HPD: variants seen among roughly 807,000 people sequenced by gnomAD.
HPD encodes the protein 4-hydroxyphenylpyruvate dioxygenase.
In HPD, 35 loss-of-function variants were observed where a neutral mutation model predicts 56.9. The observed-to-expected ratio is 0.62, with a 90% CI of 0.47 to 0.82. The LOEUF (loss-of-function observed/expected upper bound fraction) is 0.82, where lower values mean the gene tolerates loss of function less well. Among genes scored for constraint, HPD ranks in the 40% least tolerant of loss-of-function variants. The pLI is 0.00. For synonymous variants in HPD, 186 were observed against 200.2 expected (o/e 0.93, Z 0.60); for missense variants, 442 against 506.8 (o/e 0.87, Z 1.23).
chr12:121,879,339 G>T, the HPD span, among the ~76,000 whole-genome samples: 2 of 151,386 alleles, frequency 1.3e-5, no homozygotes, highest in Non-Finnish European at 2.9e-5. Context: ...GCGGGGTGGG[G>T]GGATGAAAAT....
chr12:121,883,224 GT>G, the HPD span, among the ~76,000 whole-genome samples: 35 of 145,552 alleles, frequency 2.4e-4, no homozygotes, highest in Admixed American at 4.1e-4. Context: ...GTGTGTGTGT[GT>G]GTGTGTGTGT....
chr12:121,859,713 TC>T (rs1171605797), upstream of HPD, among the ~76,000 whole-genome samples: 1 of 152,182 alleles, frequency 6.6e-6, no homozygotes, highest in African/African-American at 2.4e-5. Flanking sequence ...TGAAGTTGGA[TC>T]TCATTGCACC....
At chr12:121,848,039 G>C (rs576229615) in intron 9 of HPD, among the ~76,000 whole-genome samples, 52 of 152,248 alleles carry the variant, frequency 3.4e-4, no homozygotes, top group Admixed American at 9.2e-4. Context: ...GGACGGCAAG[G>C]CTCCCACAGA....
chr12:121,856,391 A>G lies in HPD; in HGVS notation c.257T>C (p.Leu86Pro), dbSNP rs761367336. The G allele has an allele frequency of 1.2e-6, 2 of 1,613,902 alleles. No individual in the cohort carries two copies. The highest frequency in any genetic ancestry group is 1.1e-5 in the South Asian group (1 of 91,072). Residue 86 changes from leucine (L) to proline (P), a missense_variant, in exon 6 of 14, where the codon CTG (leucine) becomes CCG (proline). By Grantham distance (98) the Leu-to-Pro change is moderately conservative. Coordinates refer to ENST00000289004, the MANE Select transcript of HPD (RefSeq NM_002150.3). ...NPWNKEMGDH[L>P]VKHGDGVKDI... ...CTTCACTCCGTCACCGTGTTTCACC[A>G]GGTGATCGCCCATCTCTGTGGCCGG... is the stretch of plus-strand genomic sequence containing the variant.
intron 6 of HPD, among the ~76,000 whole-genome samples, chr12:121,855,311 C>T (rs1592922512): frequency 6.6e-6 from 1 of 152,098 alleles, no homozygotes; most frequent in African/African-American, 2.4e-5. Flanking sequence ...GTCACTTGCC[C>T]GAAGTCACAC....
chr12:121,869,307 G>A, the HPD span, among the ~76,000 whole-genome samples: 1 of 147,068 alleles, frequency 6.8e-6, no homozygotes, highest in African/African-American at 2.5e-5. Flanking sequence ...CCAGGATCGC[G>A]CCATTGCCCT....
intron 7 of HPD, among the ~76,000 whole-genome samples, chr12:121,853,323 A>G (rs1207305793): frequency 6.6e-6 from 1 of 152,158 alleles, no homozygotes; most frequent in African/African-American, 2.4e-5. Context: ...CATATACCCC[A>G]GAACCTATAA....
chr12:121,849,694 G>A lies in HPD; in HGVS notation c.511C>T (p.Pro171Ser), dbSNP rs753875397. 5 of 1,609,214 alleles carry A rather than the reference G, an allele frequency of 3.1e-6. No individual in the cohort carries two copies. Among genetic ancestry groups the A allele is most frequent in the African/African-American group, 1.3e-5 (1 of 74,938 alleles). The change falls in exon 8 of 14, where the codon CCT (proline) becomes TCT (serine). Residue 171 changes from proline (P) to serine (S), a missense_variant. Coordinates refer to ENST00000289004, the MANE Select transcript of HPD (RefSeq NM_002150.3). ...GCCCTGAGGGACACTCACAGTTTAGGAAGTAGGGGGTCCATGAACGCTGGG... is the reference window on the plus strand; with the variant it reads ...GCCCTGAGGGACACTCACAGTTTAGAAAGTAGGGGGTCCATGAACGCTGGG... The part of the protein sequence containing the change: ...EAPAFMDPLL[P>S]KLPKCSLEMI...
chr12:121,874,342 T>G, the HPD span: 2 of 152,108 alleles, frequency 1.3e-5, no homozygotes, highest in Non-Finnish European at 2.9e-5. Context: ...CTAGGCCGTG[T>G]GCGGTGGCTC....
chr12:121,881,640 TTTTG>T, the HPD span, among the ~76,000 whole-genome samples: 29 of 151,702 alleles, frequency 1.9e-4, no homozygotes, highest in Admixed American at 6.6e-4. Flanking sequence ...GACTTTGTTT[TTTTG>T]TTTGTTTGTT....
rs773768290 is a variant in HPD at position 121,840,048 on chromosome 12, C to T, written c.955G>A (p.Glu319Lys). Reference sequence around the variant, plus strand: ...TCGTAGTCCACCAGGATTTTCAGCTCCTAGGCGGGAGACAGGGGGCTCTGC... The same window carrying T: ...TCGTAGTCCACCAGGATTTTCAGCTTCTAGGCGGGAGACAGGGGGCTCTGC... Reference protein sequence around the residue: ...KVKENIDALEELKILVDYDEK... With the variant: ...KVKENIDALEKLKILVDYDEK... Residue 319 changes from glutamate to lysine, a missense_variant and splice_region_variant, in exon 13 of 14, where the codon GAG becomes AAG. Coordinates refer to ENST00000289004, the MANE Select transcript of HPD (RefSeq NM_002150.3). The T allele has an allele frequency of 6.8e-6, 11 of 1,607,068 alleles. No individual in the cohort carries two copies. Among genetic ancestry groups the T allele is most frequent in the Non-Finnish European group, 6.8e-6 (8 of 1,173,796 alleles).
At chr12:121,868,943 C>T in the HPD span, among the ~76,000 whole-genome samples, 1 of 152,176 alleles carries the variant, frequency 6.6e-6, no homozygotes, top group Non-Finnish European at 1.5e-5. Flanking sequence ...AGTGCAAGTG[C>T]AGTGGCACGA....
intron 9 of HPD, among the ~76,000 whole-genome samples, chr12:121,848,566 C>T (rs547811240): frequency 6.6e-6 from 1 of 152,106 alleles, no homozygotes. Context: ...CCCGCCTCCG[C>T]CTCCCAAAGT....
chr12:121,845,229 T>C (rs1485185857), intron 11 of HPD, among the ~76,000 whole-genome samples: 1 of 149,568 alleles, frequency 6.7e-6, no homozygotes, highest in African/African-American at 2.6e-5. Flanking sequence ...ATCCTCCTAC[T>C]TCAGACTTCT....
At chr12:121,888,589 C>T in the HPD span, 1 of 488,006 alleles carries the variant, frequency 2.0e-6, no homozygotes, top group Non-Finnish European at 3.7e-6. Context: ...AGATCATCCC[C>T]TAGCGTTGGT....
At chr12:121,885,327 G>A in the HPD span, among the ~76,000 whole-genome samples, 1 of 151,566 alleles carries the variant, frequency 6.6e-6, no homozygotes, top group East Asian at 1.9e-4. Flanking sequence ...TCAATCTCCC[G>A]AGTAGCTGTG....
In HPD at chr12:121,839,760, T is replaced by G; in HGVS notation, c.1150A>C (p.Met384Leu). 1.9e-6 allele frequency: 3 copies of G among 1,613,960 alleles called. No individual in the cohort carries two copies. Among genetic ancestry groups the G allele is most frequent in the South Asian group, 2.2e-5 (2 of 91,080 alleles). The change falls in exon 14 of 14, where the codon ATG becomes CTG. Residue 384 changes from methionine to leucine, a missense_variant. Transcript: ENST00000289004. Reference sequence around the variant, plus strand: ...CCGGGCACCACCCCATTGGTCTCCATGTTGGTGAGGTTACCCCGCAGGTTC... The same window carrying G: ...CCGGGCACCACCCCATTGGTCTCCAGGTTGGTGAGGTTACCCCGCAGGTTC... ...EQNLRGNLTN[M>L]ETNGVVPGM
rs779065529 is a variant in HPD at position 121,847,063 on chromosome 12, ACTT to A, written c.745_747del (p.Lys249del). 8.1e-6 allele frequency: 13 copies of A among 1,613,926 alleles called. No homozygotes were observed. The East Asian group carries it at 8.9e-5, about 11-fold the overall frequency. Reference sequence around the variant, plus strand: ...AGGGGCGGCCTCACCTGGATCTGGGACTTCTTCTTGCCAGGCGCTGGCTCATTG... The same window carrying A: ...AGGGGCGGCCTCACCTGGATCTGGGACTTCTTGCCAGGCGCTGGCTCATTG... On this transcript the variant is annotated inframe_deletion, in exon 10 of 14. Transcript: ENST00000289004.
Position 121,839,779 on chromosome 12 carries a change from C to T in HPD, c.1131G>A (p.Leu377=). The part of the protein sequence containing the change: ...LFKAFEEEQN[L]RGNLTNMETN... ...TCTCCATGTTGGTGAGGTTACCCCG[C>T]AGGTTCTGCTCCTCCTCGAAAGCCT... Residue 377 remains leucine (L), a synonymous_variant, in exon 14 of 14, where the codon CTG becomes CTA. Coordinates refer to ENST00000289004, the MANE Select transcript of HPD (RefSeq NM_002150.3). 6.2e-7 allele frequency: 1 copy of T among 1,614,198 alleles called. No homozygotes were observed. The highest frequency in any genetic ancestry group is 8.5e-7 in the Non-Finnish European group (1 of 1,180,016).
Sources: allele counts gnomAD v4.1 joint callset (sites outside exome capture counted in the v4.1 genomes callset), GRCh38; gene constraint gnomAD v4.1.1; transcripts MANE v1.5; gene names NCBI Gene and HGNC (gene_info 2026-07-23, HGNC 2026-07-21).